SULF1: variants seen among roughly 807,000 people sequenced by gnomAD.
SULF1 encodes the protein sulfatase 1, also known as extracellular sulfatase Sulf-1.
Under a neutral mutation model 110.5 loss-of-function variants are expected in SULF1, and 46 were observed. That is an observed-to-expected ratio of 0.42 (90% confidence interval 0.33 to 0.53). The LOEUF is 0.53. Ranked by LOEUF, SULF1 falls within the 20% of genes least tolerant of loss-of-function variation. SULF1 has a pLI of 0.12. For synonymous variants in SULF1, 371 were observed against 387.1 expected (o/e 0.96, Z 0.49); for missense variants, 941 against 1,094.2 (o/e 0.86, Z 1.98).
chr8:69,555,655 C>CAAA (rs112243288), intron 3 of SULF1, among the ~76,000 whole-genome samples: 6 of 144,610 alleles, frequency 4.1e-5, no homozygotes, highest in Non-Finnish European at 7.6e-5. Flanking sequence ...GACTCCATCT[C>CAAA]AAAAAAAAAA....
intron 1 of SULF1, among the ~76,000 whole-genome samples, chr8:69,481,870 A>G (rs2150543350): frequency 6.6e-6 from 1 of 152,278 alleles, no homozygotes; most frequent in Admixed American, 6.5e-5. Flanking sequence ...GTGCTTCCCT[A>G]TTTCCTATTT....
At chr8:69,530,222 T>C (rs1812990017) in intron 3 of SULF1, among the ~76,000 whole-genome samples, 1 of 152,106 alleles carries the variant, frequency 6.6e-6, no homozygotes, top group African/African-American at 2.4e-5. Flanking sequence ...GATTTGTCAC[T>C]AAACGTCAGG....
intron 1 of SULF1, chr8:69,467,156 T>C (rs368350847): frequency 6.6e-6 from 1 of 152,190 alleles, no homozygotes; most frequent in East Asian, 1.9e-4. Flanking sequence ...CTTTTGAAGG[T>C]GTAGCTAAGA....
chr8:69,618,234 T>C (rs79365588), intron 13 of SULF1, among the ~76,000 whole-genome samples: 3,467 of 152,350 alleles, frequency 0.023, 132 homozygotes, highest in African/African-American at 0.079. Context: ...TGCCTTTTTG[T>C]GGCTTTGTAA....
chr8:69,600,728 T>C lies in SULF1; in HGVS notation c.860T>C (p.Met287Thr). 1 of 1,613,962 alleles carries C rather than the reference T, an allele frequency of 6.2e-7. No individual in the cohort carries two copies. Among genetic ancestry groups the C allele is most frequent in the Non-Finnish European group, 8.5e-7 (1 of 1,179,884 alleles). ...CAGCGCAAAAGGCTCCAGACTTTGA[T>C]GTCAGTGGATGATTCTGTGGAGAGG... ...ILQRKRLQTL[M>T]SVDDSVERLY... Residue 287 changes from methionine to threonine, a missense_variant, in exon 9 of 23, where the codon ATG (methionine) becomes ACG (threonine). Transcript: ENST00000402687.
chr8:69,518,940 A>C (rs1812110024), intron 3 of SULF1, among the ~76,000 whole-genome samples: 2 of 151,964 alleles, frequency 1.3e-5, no homozygotes, highest in South Asian at 4.2e-4. Context: ...CACAAATTTC[A>C]CTTCACTTCC....
chr8:69,569,322 C>A (rs1439904185), intron 5 of SULF1, among the ~76,000 whole-genome samples: 1 of 152,102 alleles, frequency 6.6e-6, no homozygotes, highest in Non-Finnish European at 1.5e-5. Context: ...GCATACTTTT[C>A]AGAATTAAGC....
Position 69,621,140 on chromosome 8 carries a change from C to G in SULF1, c.1483C>G (p.Arg495Gly), listed in dbSNP as rs142971465. The G allele has an allele frequency of 5.1e-3, 8,156 of 1,614,108 alleles. 32 individuals are homozygous for G. The highest frequency in any genetic ancestry group is 0.012 in the South Asian group (1,114 of 91,064). Reference sequence around the variant, plus strand: ...GCAGAGCACGCGGAACCTCTACGCTCGCGGCTTCCATGACAAAGACAAAGA... The same window carrying G: ...GCAGAGCACGCGGAACCTCTACGCTGGCGGCTTCCATGACAAAGACAAAGA... ...VRQSTRNLYA[R>G]GFHDKDKECS... Residue 495 changes from arginine to glycine, a missense_variant, in exon 14 of 23, where the codon CGC (arginine) becomes GGC (glycine). By Grantham distance (125) the Arg-to-Gly change is moderately radical. Transcript: ENST00000402687.
chr8:69,603,319 A>G lies in SULF1; in HGVS notation c.1189A>G (p.Arg397Gly). The G allele has an allele frequency of 6.2e-7, 1 of 1,614,074 alleles. No homozygotes were observed. The highest frequency in any genetic ancestry group is 8.5e-7 in the Non-Finnish European group (1 of 1,180,026). The stretch of plus-strand genomic sequence containing the variant: ...TCTGGACCCAGAAAAGCCAGGTAAC[A>G]GGTGTGTCATTGTTCCTCCTCTCAG... ...KLLDPEKPGNRFRTNKKAKIW... is the reference protein window; with the variant it reads ...KLLDPEKPGNGFRTNKKAKIW... The change falls in exon 11 of 23, where the codon AGG becomes GGG. Residue 397 changes from arginine to glycine, a missense_variant and splice_region_variant. This residue lies in a region of SULF1 where 822 missense variants were observed against 934.3 expected (regional missense o/e 0.88). Transcript: ENST00000402687.
At chr8:69,569,838 C>A (rs993871929) in intron 5 of SULF1, among the ~76,000 whole-genome samples, 2 of 151,996 alleles carry the variant, frequency 1.3e-5, no homozygotes, top group Non-Finnish European at 2.9e-5. Flanking sequence ...CCTTCTTCTC[C>A]CAACTACCTT....
chr8:69,653,977 G>C (rs1286592046), intron 22 of SULF1, among the ~76,000 whole-genome samples: 1 of 152,148 alleles, frequency 6.6e-6, no homozygotes, highest in Non-Finnish European at 1.5e-5. Context: ...TCAATAATTA[G>C]TCCAGTCCAT....
intron 3 of SULF1, among the ~76,000 whole-genome samples, chr8:69,535,947 G>A (rs1050212149): frequency 6.6e-6 from 1 of 151,896 alleles, no homozygotes; most frequent in Non-Finnish European, 1.5e-5. Flanking sequence ...GAACCCAGGA[G>A]GCAGAGGTTG....
At chr8:69,611,981 C>T (rs1461843867) in intron 13 of SULF1, among the ~76,000 whole-genome samples, 4 of 152,096 alleles carry the variant, frequency 2.6e-5, no homozygotes, top group Non-Finnish European at 1.5e-5. Context: ...AGTTTGTAGT[C>T]TTTTATCCCT....
intron 3 of SULF1, among the ~76,000 whole-genome samples, chr8:69,511,699 C>A (rs895169790): frequency 3.3e-5 from 5 of 152,180 alleles, no homozygotes; most frequent in African/African-American, 1.2e-4. Flanking sequence ...AATTGAGGAA[C>A]CTACACTGAC....
chr8:69,627,822 T>C lies in SULF1; in HGVS notation c.1998T>C (p.His666=). Residue 666 remains histidine (H), a synonymous_variant, in exon 17 of 23, where the codon CAT becomes CAC. Coordinates refer to ENST00000402687, the MANE Select transcript of SULF1 (RefSeq NM_001128205.2). ...AGAATTTAAGAGAAGTGAGAGGACATCTGAAGAGAAGGAAGCCTGAGGAAT... is the reference window on the plus strand; with the variant it reads ...AGAATTTAAGAGAAGTGAGAGGACACCTGAAGAGAAGGAAGCCTGAGGAAT... ...KIKNLREVRG[H]LKRRKPEECS... The C allele has an allele frequency of 6.2e-7, 1 of 1,613,544 alleles. No homozygotes were observed. Among genetic ancestry groups the C allele is most frequent in the Non-Finnish European group, 8.5e-7 (1 of 1,179,806 alleles).
intron 3 of SULF1, among the ~76,000 whole-genome samples, chr8:69,531,156 A>G (rs1024427980): frequency 1.3e-5 from 2 of 151,898 alleles, no homozygotes; most frequent in Non-Finnish European, 2.9e-5. Context: ...CCCAAACACC[A>G]CTCTGAACTG....
intron 22 of SULF1, among the ~76,000 whole-genome samples, chr8:69,645,716 C>T (rs1479309093): frequency 1.3e-5 from 2 of 148,256 alleles, no homozygotes; most frequent in South Asian, 2.1e-4. Context: ...AGGCAAGACT[C>T]GTGTGGGGAC....
chr8:69,518,317 A>C (rs984243459), intron 3 of SULF1, among the ~76,000 whole-genome samples: 1 of 152,128 alleles, frequency 6.6e-6, no homozygotes, highest in Non-Finnish European at 1.5e-5. Context: ...GCTCGAGCAT[A>C]TTTGTAATAG....
intron 6 of SULF1, among the ~76,000 whole-genome samples, chr8:69,584,245 G>A (rs766678857): frequency 1.3e-5 from 2 of 152,192 alleles, no homozygotes; most frequent in Non-Finnish European, 2.9e-5. Context: ...TCTGTGAGGG[G>A]TGGCAAGTTA....
Sources: gnomAD v4.1 joint callset for allele counts (sites outside exome capture counted in the v4.1 genomes callset) on GRCh38, gnomAD v4.1.1 for gene constraint, gnomAD v4.1.1 regional missense constraint, MANE v1.5 for transcripts, NCBI Gene and HGNC (gene_info 2026-07-23, HGNC 2026-07-21) for gene names.